SEM1: variants seen among roughly 807,000 people sequenced by gnomAD.
The protein encoded by SEM1 is SEM1 26S proteasome subunit.
In SEM1, 3 loss-of-function variants were observed where a neutral mutation model predicts 12.7. The ratio of observed to expected loss-of-function variants is 0.24; its 90% CI spans 0.11 to 0.61. The LOEUF (loss-of-function observed/expected upper bound fraction) is 0.61, where lower values mean the gene tolerates loss of function less well. Among genes scored for constraint, SEM1 ranks in the 20% least tolerant of loss-of-function variants. The pLI is 0.88. For synonymous variants in SEM1, 30 were observed against 27.8 expected (o/e 1.08, Z -0.25); for missense variants, 59 against 81.3 (o/e 0.73, Z 1.06).
At chr7:96,598,928 G>A (rs1331427204) in intron 2 of SEM1, among the ~76,000 whole-genome samples, 1 of 152,110 alleles carries the variant, frequency 6.6e-6, no homozygotes, top group East Asian at 1.9e-4. Context: ...AAAATTGCAC[G>A]AGGTTTGTGG....
chr7:96,636,435 G>C (rs1409756144), intron 2 of SEM1, among the ~76,000 whole-genome samples: 1 of 151,980 alleles, frequency 6.6e-6, no homozygotes, highest in African/African-American at 2.4e-5. Context: ...AAATCCACAG[G>C]ACATGGTGAG....
At chr7:96,497,306 A>G (rs1803328432), upstream of SEM1, among the ~76,000 whole-genome samples, 1 of 152,164 alleles carries the variant, frequency 6.6e-6, no homozygotes, top group Non-Finnish European at 1.5e-5. Flanking sequence ...GTCATTCACA[A>G]AAGCCTTAAT....
At chr7:96,648,916 G>T (rs778837672) in intron 2 of SEM1, among the ~76,000 whole-genome samples, 1 of 152,156 alleles carries the variant, frequency 6.6e-6, no homozygotes, top group Non-Finnish European at 1.5e-5. Flanking sequence ...GGGCCAAAAC[G>T]GCCCAATGTT....
intron 2 of SEM1, among the ~76,000 whole-genome samples, chr7:96,539,401 A>C (rs1804881680): frequency 6.6e-6 from 1 of 151,866 alleles, no homozygotes; most frequent in Non-Finnish European, 1.5e-5. Flanking sequence ...TAACAAGTTG[A>C]AGAAAAAAAT....
intron 3 of SEM1, among the ~76,000 whole-genome samples, chr7:96,505,954 G>C (rs1563035741): frequency 7.9e-6 from 1 of 126,248 alleles, no homozygotes; most frequent in Non-Finnish European, 1.6e-5. Flanking sequence ...CTTTCTGTTT[G>C]TTTACCTATT....
chr7:96,687,526 CG>C (rs1453912612), downstream of SEM1, among the ~76,000 whole-genome samples: 1 of 151,444 alleles, frequency 6.6e-6, no homozygotes, highest in Non-Finnish European at 1.5e-5. Flanking sequence ...AGTAAACTAT[CG>C]CAAGGACAAA....
At position 96,701,468 on chromosome 7, in the gene SEM1, C is replaced by T. The variant is rs1563119899; in HGVS notation, c.77-6577G>A. Among the ~76,000 whole-genome samples the T allele has an allele frequency of 2.6e-5, 4 of 151,542 alleles. No homozygotes were observed. The South Asian group carries it at 8.4e-4, about 32-fold the overall frequency. Reference sequence around the variant, plus strand: ...AGAGTGGCCTCACCAAGAACTGTATCGACCTACACTTTAATCTTGGACTCC... The same window carrying T: ...AGAGTGGCCTCACCAAGAACTGTATTGACCTACACTTTAATCTTGGACTCC... On this transcript the variant is annotated intron_variant, in intron 1 of 2. Transcript: ENST00000248566.
At chr7:96,662,948 T>C (rs1361228289) in intron 2 of SEM1, among the ~76,000 whole-genome samples, 1 of 152,206 alleles carries the variant, frequency 6.6e-6, no homozygotes, top group Admixed American at 6.5e-5. Context: ...CCCAGCTGCA[T>C]TAAAACATTT....
At chr7:96,633,235 G>C (rs1808327761) in intron 2 of SEM1, among the ~76,000 whole-genome samples, 2 of 151,988 alleles carry the variant, frequency 1.3e-5, no homozygotes, top group Non-Finnish European at 2.9e-5. Context: ...ACCTTTAATT[G>C]TCATAGGAAA....
intron 2 of SEM1, among the ~76,000 whole-genome samples, chr7:96,511,623 T>C (rs115781152): frequency 0.02 from 3,099 of 152,184 alleles, 102 homozygotes; most frequent in African/African-American, 0.071. Flanking sequence ...TTGAAGATTT[T>C]TGGGAAATAC....
chr7:96,698,094 C>G (rs376291986), intron 1 of SEM1, among the ~76,000 whole-genome samples: 14 of 152,202 alleles, frequency 9.2e-5, no homozygotes, highest in African/African-American at 2.4e-4. Context: ...TCAGTTGTGG[C>G]AGAGTCTGAA....
At chr7:96,661,714 G>C (rs1013925145) in intron 2 of SEM1, among the ~76,000 whole-genome samples, 1 of 152,178 alleles carries the variant, frequency 6.6e-6, no homozygotes, top group East Asian at 1.9e-4. Context: ...GGGGCCGGGC[G>C]TGGTGCCTCA....
chr7:96,604,369 C>T (rs944208197), intron 2 of SEM1, among the ~76,000 whole-genome samples: 4 of 152,132 alleles, frequency 2.6e-5, no homozygotes, highest in Non-Finnish European at 4.4e-5. Flanking sequence ...ATTATGGTTG[C>T]CCCCTTTCAT....
At position 96,640,149 on chromosome 7, in the gene SEM1, G is replaced by A. The variant is rs559262668; in HGVS notation, c.171-17506C>T. Among the ~76,000 whole-genome samples, 1 of 152,092 alleles carries A rather than the reference G, an allele frequency of 6.6e-6. No homozygotes were observed. Among genetic ancestry groups the A allele is most frequent in the East Asian group, 1.9e-4 (1 of 5,176 alleles). On this transcript the variant is annotated intron_variant, in intron 2 of 2. Transcript: ENST00000417009. The surrounding 1 kb of genome is among the most constrained non-coding windows in gnomAD (Gnocchi z 4.0). ...AAATGCAAAATGGAACAGCCACTTT[G>A]GGAGACAGTTTGGTGGATTCTTACA...
chr7:96,522,626 C>T (rs1319463879), intron 2 of SEM1, among the ~76,000 whole-genome samples: 1 of 151,508 alleles, frequency 6.6e-6, no homozygotes, highest in East Asian at 1.9e-4. Context: ...ACCTGTAATC[C>T]CAGCACTTTG....
intron 1 of SEM1, among the ~76,000 whole-genome samples, chr7:96,492,120 T>A (rs1803034180): frequency 6.6e-6 from 1 of 152,146 alleles, no homozygotes; most frequent in Non-Finnish European, 1.5e-5. Flanking sequence ...GAGTATACAT[T>A]TCAGTGGCAT....
intron 2 of SEM1, among the ~76,000 whole-genome samples, chr7:96,515,503 T>G (rs1400463418): frequency 6.6e-6 from 1 of 152,200 alleles, no homozygotes; most frequent in Non-Finnish European, 1.5e-5. Flanking sequence ...AAATACCATT[T>G]GACCCAGCAA....
chr7:96,706,943 AG>A (rs1790486403), intron 1 of SEM1, among the ~76,000 whole-genome samples: 1 of 152,252 alleles, frequency 6.6e-6, no homozygotes, highest in African/African-American at 2.4e-5. Flanking sequence ...CATACTTACA[AG>A]AAAAATAATT....
chr7:96,664,596 T>A (rs949595511), intron 2 of SEM1, among the ~76,000 whole-genome samples: 1 of 152,198 alleles, frequency 6.6e-6, no homozygotes, highest in South Asian at 2.1e-4. Context: ...TCCTTAACTT[T>A]AATCCCATCT....
Sources: gnomAD v4.1 joint callset for allele counts (sites outside exome capture counted in the v4.1 genomes callset) on GRCh38, gnomAD v4.1.1 for gene constraint, Gnocchi (gnomAD v3.1) non-coding constraint, MANE v1.5 for transcripts, NCBI Gene and HGNC (gene_info 2026-07-23, HGNC 2026-07-21) for gene names.